DGKG: variants seen among roughly 807,000 people sequenced by gnomAD.
The protein encoded by DGKG is diacylglycerol kinase gamma.
A neutral mutation model predicts 105.3 loss-of-function variants in DGKG; 78 were observed. The ratio of observed to expected loss-of-function variants is 0.74; its 90% confidence interval spans 0.62 to 0.89. The LOEUF is 0.89. Ranked by LOEUF, DGKG falls within the 40% of genes least tolerant of loss-of-function variation. The pLI is 0.00. For synonymous variants in DGKG, 346 were observed against 367.1 expected, an observed-to-expected ratio of 0.94 and a Z score of 0.66; for missense variants, 958 against 1,020.1, an observed-to-expected ratio of 0.94 and a Z score of 0.83.
rs541287872 is a variant in DGKG at position 186,218,653 on chromosome 3, C to T, written c.1827-6768G>A. Among the ~76,000 whole-genome samples, 11 of 152,054 alleles carry T rather than the reference C, an allele frequency of 7.2e-5. No individual in the cohort carries two copies. The South Asian group carries it at 2.3e-3, about 32-fold the overall frequency. ...AACTGCTGCTGTGTAGGAGTGTGGGCCCAAGTATTGTCAGAACTGACATTT... is the reference window on the plus strand; with the variant it reads ...AACTGCTGCTGTGTAGGAGTGTGGGTCCAAGTATTGTCAGAACTGACATTT... On this transcript the variant is annotated intron_variant, in intron 20 of 24. Transcript: ENST00000265022.
intron 20 of DGKG, among the ~76,000 whole-genome samples, chr3:186,230,248 A>T (rs915542063): frequency 2.0e-4 from 30 of 152,212 alleles, no homozygotes; most frequent in Non-Finnish European, 4.1e-4. Context: ...ACAGAGCGAG[A>T]CTCCGTCTCA....
chr3:186,288,714 C>A lies in DGKG; in HGVS notation c.540G>T (p.Leu180=), dbSNP rs1388473425. Residue 180 remains leucine (L), a synonymous_variant, in exon 6 of 25, where the codon CTG becomes CTT. Coordinates refer to ENST00000265022, the MANE Select transcript of DGKG (RefSeq NM_001346.3). ...CTTGACAGGGTGAGCACTTACACTC[C>A]AGCTTATCCTGAGGCCTCCCCGTCT... The part of the protein sequence containing the change: ...LLETGRPQDK[L]EFMFRLYDSD... The A allele has an allele frequency of 6.2e-7, 1 of 1,613,924 alleles. No individual in the cohort carries two copies. Among genetic ancestry groups the A allele is most frequent in the Non-Finnish European group, 8.5e-7 (1 of 1,179,972 alleles).
At chr3:186,224,141 A>G (rs1163079216) in intron 20 of DGKG, among the ~76,000 whole-genome samples, 2 of 152,222 alleles carry the variant, frequency 1.3e-5, no homozygotes, top group African/African-American at 2.4e-5. Context: ...ATCTCATTTT[A>G]AAGCTCTTCT....
chr3:186,322,839 CA>C (rs1725145053), intron 1 of DGKG, among the ~76,000 whole-genome samples: 1 of 152,194 alleles, frequency 6.6e-6, no homozygotes, highest in Admixed American at 6.5e-5. Flanking sequence ...CCAGTGTCCC[CA>C]GCCGCTCGGG....
chr3:186,322,353 C>T (rs1725119681), intron 1 of DGKG, among the ~76,000 whole-genome samples: 1 of 152,134 alleles, frequency 6.6e-6, no homozygotes. Context: ...CACATCTTCA[C>T]TTATAAGTGA....
intron 21 of DGKG, among the ~76,000 whole-genome samples, chr3:186,195,667 T>C (rs903835270): frequency 6.6e-6 from 1 of 152,244 alleles, no homozygotes; most frequent in Non-Finnish European, 1.5e-5. Flanking sequence ...TTCTTGGTGA[T>C]GCTGATGTTG....
chr3:186,313,581 G>A (rs1348460898), intron 2 of DGKG: 5 of 912,404 alleles, frequency 5.5e-6, no homozygotes, highest in Non-Finnish European at 6.5e-6. Context: ...CCCTGGACCA[G>A]CAGCATCAGC....
chr3:186,152,514 ACT>A (rs1257990591), intron 24 of DGKG, among the ~76,000 whole-genome samples: 1 of 151,862 alleles, frequency 6.6e-6, no homozygotes, highest in Admixed American at 6.6e-5. Context: ...TCACCACGGC[ACT>A]CTCTGAGCCA....
chr3:186,241,259 A>G (rs1720671715), intron 20 of DGKG, among the ~76,000 whole-genome samples: 1 of 152,126 alleles, frequency 6.6e-6, no homozygotes, highest in South Asian at 2.1e-4. Context: ...TCTTCAATGA[A>G]CACTCTAACC....
intron 5 of DGKG, among the ~76,000 whole-genome samples, chr3:186,295,607 T>G (rs552214457): frequency 2.0e-5 from 2 of 100,842 alleles, no homozygotes; most frequent in African/African-American, 7.6e-5. Flanking sequence ...TGGATATCCA[T>G]AAAGCTTTTC....
intron 1 of DGKG, among the ~76,000 whole-genome samples, chr3:186,350,816 C>T (rs1035393454): frequency 6.6e-6 from 1 of 152,172 alleles, no homozygotes; most frequent in Non-Finnish European, 1.5e-5. Context: ...AGTGGCATCT[C>T]ATTGTGTTTT....
chr3:186,242,406 G>T, intron 20 of DGKG, 98 bp downstream of exon 20: 1 of 1,006,282 alleles, frequency 9.9e-7, no homozygotes, highest in East Asian at 2.6e-5. Flanking sequence ...AGTCCCCAGC[G>T]GCCCTGGCTG....
At chr3:186,198,119 A>G (rs1044056853) in intron 21 of DGKG, among the ~76,000 whole-genome samples, 17 of 152,236 alleles carry the variant, frequency 1.1e-4, no homozygotes, top group African/African-American at 3.4e-4. Context: ...AGTTGAAAGA[A>G]ATAATGTGTG....
chr3:186,241,385 T>C (rs923569911), intron 20 of DGKG, among the ~76,000 whole-genome samples: 1 of 151,996 alleles, frequency 6.6e-6, no homozygotes, highest in Non-Finnish European at 1.5e-5. Flanking sequence ...AAACCCCATC[T>C]CTACTAAAAA....
At chr3:186,334,143 G>C (rs1247362464) in intron 1 of DGKG, among the ~76,000 whole-genome samples, 2 of 151,968 alleles carry the variant, frequency 1.3e-5, no homozygotes, top group African/African-American at 4.8e-5. Flanking sequence ...GCTTACTGAG[G>C]GTCTACTATC....
intron 20 of DGKG, among the ~76,000 whole-genome samples, chr3:186,238,330 C>T (rs1720517862): frequency 6.6e-6 from 1 of 151,396 alleles, no homozygotes; most frequent in Non-Finnish European, 1.5e-5. Context: ...AAAAACATCC[C>T]CCAAAAAGAA....
At chr3:186,267,492 G>A (rs1219706830) in intron 13 of DGKG, 193 bp downstream of exon 13, 7 of 551,240 alleles carry the variant, frequency 1.3e-5, no homozygotes, top group Non-Finnish European at 2.3e-5. Flanking sequence ...CCCGCAAGAC[G>A]TGTCTGCCTG....
At chr3:186,186,434 C>G (rs1016782883) in intron 22 of DGKG, among the ~76,000 whole-genome samples, 3 of 152,196 alleles carry the variant, frequency 2.0e-5, no homozygotes, top group African/African-American at 4.8e-5. Flanking sequence ...TCAGAGTCAT[C>G]TGGGGAGCTC....
At chr3:186,186,254 C>T (rs1179582469) in intron 22 of DGKG, among the ~76,000 whole-genome samples, 1 of 152,134 alleles carries the variant, frequency 6.6e-6, no homozygotes, top group East Asian at 1.9e-4. Flanking sequence ...CCCCAACCCC[C>T]GCCTTGATGT....
Sources: allele counts gnomAD v4.1 joint callset (sites outside exome capture counted in the v4.1 genomes callset), GRCh38; gene constraint gnomAD v4.1.1; transcripts MANE v1.5; gene names NCBI Gene and HGNC (gene_info 2026-07-23, HGNC 2026-07-21).